Variants in EYA4 observed in about 807,000 individuals in gnomAD.
The protein encoded by EYA4 is protein phosphatase EYA4.
A neutral mutation model predicts 87.9 loss-of-function variants in EYA4; 31 were observed. The ratio of observed to expected loss-of-function variants is 0.35; its 90% CI spans 0.27 to 0.48. EYA4 has a LOEUF of 0.48. EYA4 is among the 20% of genes least tolerant of loss of function. EYA4 has a pLI of 0.99. For synonymous variants in EYA4, 263 were observed against 270.6 expected (o/e 0.97, Z 0.28); for missense variants, 678 against 761.4 (o/e 0.89, Z 1.29).
chr6:133,303,229 C>T (rs1028252375), intron 2 of EYA4, among the ~76,000 whole-genome samples: 4 of 152,026 alleles, frequency 2.6e-5, no homozygotes, highest in South Asian at 2.1e-4. Flanking sequence ...AGTGTATTGT[C>T]GGTGATGCTT....
At chr6:133,468,471 A>G in intron 10 of EYA4, 95 bp from the exon 11 acceptor site, 1 of 995,470 alleles carries the variant, frequency 1.0e-6, no homozygotes, top group Non-Finnish European at 1.6e-6. Flanking sequence ...GGGGCTGAGT[A>G]CTAATCTTTC....
chr6:133,511,265 ATAG>A (rs1347713433), intron 14 of EYA4, among the ~76,000 whole-genome samples: 2 of 152,300 alleles, frequency 1.3e-5, no homozygotes, highest in East Asian at 3.9e-4. Context: ...ATGAATATAA[ATAG>A]TAGCTTTCAA....
intron 2 of EYA4, among the ~76,000 whole-genome samples, chr6:133,358,144 A>G (rs1211158268): frequency 2.0e-5 from 3 of 152,200 alleles, no homozygotes; most frequent in East Asian, 1.9e-4. Flanking sequence ...TCAACAGAGC[A>G]AAACACAGTG....
intron 2 of EYA4, among the ~76,000 whole-genome samples, chr6:133,284,827 C>T (rs890686926): frequency 1.3e-5 from 2 of 152,032 alleles, no homozygotes; most frequent in African/African-American, 4.8e-5. Flanking sequence ...TATTACTGTT[C>T]TTGTGGAACT....
At chr6:133,441,147 T>C (rs545707665) in intron 3 of EYA4, among the ~76,000 whole-genome samples, 13 of 152,312 alleles carry the variant, frequency 8.5e-5, no homozygotes, top group African/African-American at 2.6e-4. Flanking sequence ...AGGTTACTTA[T>C]ACTCAATTAA....
intron 2 of EYA4, among the ~76,000 whole-genome samples, chr6:133,361,254 G>C (rs940269270): frequency 1.3e-5 from 2 of 152,188 alleles, no homozygotes; most frequent in Admixed American, 6.5e-5. Flanking sequence ...CATGCTTACT[G>C]TCCAGAATGA....
intron 3 of EYA4, among the ~76,000 whole-genome samples, chr6:133,422,467 C>T (rs550414272): frequency 1.8e-4 from 28 of 151,996 alleles, no homozygotes; most frequent in Admixed American, 6.5e-4. Flanking sequence ...TTATTATAAC[C>T]GCTGTATAGT....
chr6:133,286,890 A>G (rs965529157), intron 2 of EYA4, among the ~76,000 whole-genome samples: 1 of 152,178 alleles, frequency 6.6e-6, no homozygotes, highest in Admixed American at 6.5e-5. Flanking sequence ...GGGCCACAAA[A>G]TTCTTTGTAG....
chr6:133,528,992 A>G lies in EYA4; in HGVS notation c.*187A>G. ...TTAAACTTTAGTGCTACAGAAAAGA[A>G]ACTCTATGGTCTTATATTTACAACA... On this transcript the variant is annotated 3_prime_UTR_variant, in exon 20 of 20. Transcript: ENST00000355286. 1 of 1,431,240 alleles carries G rather than the reference A, an allele frequency of 7.0e-7. No individual in the cohort carries two copies. Among genetic ancestry groups the G allele is most frequent in the African/African-American group, 1.4e-5 (1 of 69,746 alleles). 88.7% of individuals were successfully genotyped at this position (1,431,240 alleles called of 1,614,324 possible).
At chr6:133,419,508 C>T (rs569813504) in intron 3 of EYA4, among the ~76,000 whole-genome samples, 92 of 152,140 alleles carry the variant, frequency 6.0e-4, no homozygotes, top group Admixed American at 3.3e-4. Context: ...TCATATAAAA[C>T]TCAGTATCCT....
At chr6:133,382,173 C>T (rs1378250543) in intron 2 of EYA4, among the ~76,000 whole-genome samples, 3 of 152,120 alleles carry the variant, frequency 2.0e-5, no homozygotes, top group African/African-American at 7.2e-5. Context: ...TTCAGCTGAA[C>T]ATTTTACATA....
intron 3 of EYA4, among the ~76,000 whole-genome samples, chr6:133,413,381 C>G (rs1789413761): frequency 6.6e-6 from 1 of 151,776 alleles, no homozygotes. Context: ...TTCTGGGTCT[C>G]CTACCATTTC....
Position 133,382,385 on chromosome 6 carries a change from C to G in EYA4, c.34-7C>G, listed in dbSNP as rs772542904. 1 of 1,599,704 alleles carries G rather than the reference C, an allele frequency of 6.3e-7. No homozygotes were observed. Among genetic ancestry groups the G allele is most frequent in the South Asian group, 1.1e-5 (1 of 90,788 alleles). ...ATATGAGAATAACTAGTACTCTTTT[C>G]TTACAGGTAAAGAAAACGTGCACAG... is the stretch of plus-strand genomic sequence containing the variant. On this transcript the variant is annotated splice_region_variant and splice_polypyrimidine_tract_variant and intron_variant, in intron 2 of 19. Coordinates refer to ENST00000355286, the MANE Select transcript of EYA4 (RefSeq NM_004100.5).
chr6:133,359,364 A>G (rs1488600378), intron 2 of EYA4, among the ~76,000 whole-genome samples: 5 of 152,176 alleles, frequency 3.3e-5, no homozygotes, highest in Admixed American at 3.3e-4. Flanking sequence ...ATTATTATGT[A>G]ATCAGTCACT....
chr6:133,505,970 G>T, intron 13 of EYA4, 136 bp from the exon 14 acceptor site: 1 of 670,488 alleles, frequency 1.5e-6, no homozygotes, highest in South Asian at 1.6e-5. Context: ...TTGGAAAACT[G>T]AGAAATCTTT....
chr6:133,248,635 A>G (rs1774618536), intron 1 of EYA4: 1 of 152,226 alleles, frequency 6.6e-6, no homozygotes, highest in Non-Finnish European at 1.5e-5. Flanking sequence ...ACTTGGGGGA[A>G]TCAGCAGATC....
At chr6:133,424,448 C>T (rs775411404) in intron 3 of EYA4, among the ~76,000 whole-genome samples, 1 of 152,154 alleles carries the variant, frequency 6.6e-6, no homozygotes, top group African/African-American at 2.4e-5. Flanking sequence ...CGGCCCCAAC[C>T]CCTGCTCTGA....
chr6:133,295,246 GT>G (rs1778860659), intron 2 of EYA4, among the ~76,000 whole-genome samples: 1 of 152,154 alleles, frequency 6.6e-6, no homozygotes, highest in South Asian at 2.1e-4. Context: ...TTATGTTCAA[GT>G]GCTCCCCTAG....
chr6:133,424,299 C>T (rs1489943113), intron 3 of EYA4, among the ~76,000 whole-genome samples: 2 of 152,182 alleles, frequency 1.3e-5, no homozygotes, highest in African/African-American at 2.4e-5. Flanking sequence ...CCAAGACTCC[C>T]CACTCTGGTC....
Sources: allele counts gnomAD v4.1 joint callset (sites outside exome capture counted in the v4.1 genomes callset), GRCh38; gene constraint gnomAD v4.1.1; transcripts MANE v1.5; gene names NCBI Gene and HGNC (gene_info 2026-07-23, HGNC 2026-07-21).